Variants in EIF4G3 observed in about 807,000 individuals in gnomAD.
EIF4G3 encodes eIF-4-gamma 3.
Under a neutral mutation model 186.4 loss-of-function variants are expected in EIF4G3, and 34 were observed. That is an observed-to-expected ratio of 0.18 (90% CI 0.14 to 0.24). EIF4G3 has a LOEUF of 0.24. Ranked by LOEUF, EIF4G3 falls within the 10% of genes least tolerant of loss-of-function variation. The pLI, the probability that EIF4G3 is intolerant of heterozygous loss-of-function variation, is 1.00. For synonymous variants in EIF4G3, 673 were observed against 679.5 expected (o/e 0.99, Z 0.15); for missense variants, 1,536 against 1,948.5 (o/e 0.79, Z 3.99).
Position 20,973,099 on chromosome 1 carries a change from C to A in EIF4G3, c.494G>T (p.Gly165Val), listed in dbSNP as rs777691527. The A allele has an allele frequency of 6.2e-7, 1 of 1,606,794 alleles. No homozygotes were observed. The highest frequency in any genetic ancestry group is 8.5e-7 in the Non-Finnish European group (1 of 1,178,104). ...CGGCTGACTTGGGTAAAAAGGCGTT[C>A]CTAAAAAGTTGGAAAAAATTAAATA... The part of the protein sequence containing the change: ...PGPGDFPNAY[G>V]TPFYPSQPVY... Residue 165 changes from glycine to valine, a missense_variant and splice_region_variant, in exon 11 of 37, where the codon GGA becomes GTA. Physicochemically the swap from Gly to Val is moderately radical, Grantham distance 109 (BLOSUM62 -3). This residue lies in a region of EIF4G3 where 194 missense variants were observed against 212.8 expected (regional missense o/e 0.91). Coordinates refer to ENST00000602326, the MANE Select transcript of EIF4G3 (RefSeq NM_001391906.1).
chr1:20,839,219 C>T (rs928921374), intron 30 of EIF4G3, among the ~76,000 whole-genome samples: 2 of 151,772 alleles, frequency 1.3e-5, no homozygotes, highest in African/African-American at 4.8e-5. Context: ...CCTTGTGATC[C>T]ACCCGCCTCG....
chr1:21,030,484 C>T (rs1209006250), intron 4 of EIF4G3, among the ~76,000 whole-genome samples: 2 of 152,162 alleles, frequency 1.3e-5, no homozygotes, highest in Non-Finnish European at 2.9e-5. Context: ...GATTGTGAGG[C>T]CTCCCCAGCC....
intron 12 of EIF4G3, among the ~76,000 whole-genome samples, chr1:20,959,436 G>T (rs1002925876): frequency 6.6e-5 from 10 of 151,900 alleles, no homozygotes; most frequent in Non-Finnish European, 8.8e-5. Context: ...AAAAATTCTA[G>T]AAGATAACAT....
Position 20,893,524 on chromosome 1 carries a change from C to T in EIF4G3, c.2246G>A (p.Gly749Asp). The change falls in exon 18 of 37, where the codon GGC becomes GAC. Residue 749 changes from glycine to aspartate, a missense_variant. Coordinates refer to ENST00000602326, the MANE Select transcript of EIF4G3 (RefSeq NM_001391906.1). ...DFGRQTPGGR[G>D]VPLLNVGSRR... is the part of the protein sequence containing the mutation. ...TAGGGAACTTGCACTTACAGGTACG[C>T]CTCTTCCACCAGGTGTCTGCCTTCC... 1 of 1,598,760 alleles carries T rather than the reference C, an allele frequency of 6.3e-7. No homozygotes were observed. The highest frequency in any genetic ancestry group is 1.1e-5 in the South Asian group (1 of 89,754).
intron 4 of EIF4G3, among the ~76,000 whole-genome samples, chr1:21,022,749 A>G (rs2154571000): frequency 6.6e-6 from 1 of 152,340 alleles, no homozygotes; most frequent in East Asian, 1.9e-4. Flanking sequence ...CAATTAAGCT[A>G]GGTCTATTTG....
chr1:21,056,487 G>A (rs918874488), intron 3 of EIF4G3, among the ~76,000 whole-genome samples: 2 of 152,054 alleles, frequency 1.3e-5, no homozygotes, highest in Admixed American at 6.5e-5. Context: ...TCTTTTACTA[G>A]AAATTATACA....
intron 24 of EIF4G3, 85 bp downstream of exon 24, chr1:20,860,300 C>T: frequency 6.4e-7 from 1 of 1,558,774 alleles, no homozygotes. Context: ...TCTTTCTGAT[C>T]TCATTTTATA....
intron 4 of EIF4G3, among the ~76,000 whole-genome samples, chr1:21,033,082 C>T (rs1435360953): frequency 6.6e-6 from 1 of 152,172 alleles, no homozygotes; most frequent in Non-Finnish European, 1.5e-5. Flanking sequence ...ACACAGTAAC[C>T]TCACTATGTT....
chr1:20,904,990 C>A lies in EIF4G3; in HGVS notation c.1664-19G>T. ...ATTTGAGCTGAAATACAAGATCAGG[C>A]CCATTACTTGCCACTGCAAAGTCAT... On this transcript the variant is annotated intron_variant, in intron 14 of 36. Coordinates refer to ENST00000602326, the MANE Select transcript of EIF4G3 (RefSeq NM_001391906.1). 1 of 1,587,658 alleles carries A rather than the reference C, an allele frequency of 6.3e-7. No individual in the cohort carries two copies. Among genetic ancestry groups the A allele is most frequent in the Non-Finnish European group, 8.6e-7 (1 of 1,158,326 alleles).
intron 14 of EIF4G3, among the ~76,000 whole-genome samples, chr1:20,928,392 C>T (rs962221942): frequency 6.6e-6 from 1 of 152,032 alleles, no homozygotes; most frequent in East Asian, 1.9e-4. Flanking sequence ...GCTGGTGGCA[C>T]CACCATATCA....
chr1:21,014,088 G>C (rs532905032), intron 4 of EIF4G3, among the ~76,000 whole-genome samples: 1 of 152,292 alleles, frequency 6.6e-6, no homozygotes, highest in South Asian at 2.1e-4. Context: ...AGAATTGCTT[G>C]AACCTGGGAG....
chr1:20,990,619 A>G (rs1438163664), intron 7 of EIF4G3, among the ~76,000 whole-genome samples: 1 of 152,134 alleles, frequency 6.6e-6, no homozygotes, highest in African/African-American at 2.4e-5. Flanking sequence ...CGGTGAGCTG[A>G]GATCGCGCCA....
intron 12 of EIF4G3, among the ~76,000 whole-genome samples, chr1:20,952,160 T>G (rs1357269237): frequency 6.7e-6 from 1 of 150,226 alleles, no homozygotes; most frequent in Non-Finnish European, 1.5e-5. Flanking sequence ...AACACTTTTT[T>G]TTTTTTTTTT....
chr1:20,899,288 A>T (rs1441870520), intron 16 of EIF4G3, among the ~76,000 whole-genome samples: 1 of 152,214 alleles, frequency 6.6e-6, no homozygotes, highest in Non-Finnish European at 1.5e-5. Flanking sequence ...ATTGTTTCAG[A>T]ATTCAGTTCC....
intron 3 of EIF4G3, among the ~76,000 whole-genome samples, chr1:21,075,486 T>C (rs1442243768): frequency 7.1e-6 from 1 of 141,168 alleles, no homozygotes; most frequent in Non-Finnish European, 1.5e-5. Context: ...GGAGAATCAC[T>C]GGAACCCGGG....
chr1:20,925,507 C>T (rs557176646), intron 14 of EIF4G3, among the ~76,000 whole-genome samples: 2 of 152,158 alleles, frequency 1.3e-5, no homozygotes, highest in East Asian at 1.9e-4. Context: ...TCATTGAATG[C>T]TATCACATAA....
chr1:21,047,264 A>G (rs2093945441), intron 4 of EIF4G3, among the ~76,000 whole-genome samples: 1 of 152,208 alleles, frequency 6.6e-6, no homozygotes, highest in Non-Finnish European at 1.5e-5. Context: ...AAAGAAACAC[A>G]ATTGTCTTAA....
intron 4 of EIF4G3, among the ~76,000 whole-genome samples, chr1:21,033,555 G>C (rs2092924206): frequency 2.0e-5 from 3 of 152,082 alleles, no homozygotes; most frequent in South Asian, 2.1e-4. Context: ...TATTTCTATT[G>C]AACAAATGGC....
At chr1:20,870,875 G>T (rs1384273912) in intron 20 of EIF4G3, among the ~76,000 whole-genome samples, 1 of 152,170 alleles carries the variant, frequency 6.6e-6, no homozygotes, top group Non-Finnish European at 1.5e-5. Flanking sequence ...AGGTGGAGTT[G>T]ACCATGTCTT....
Sources: gnomAD v4.1 joint callset for allele counts (sites outside exome capture counted in the v4.1 genomes callset) on GRCh38, gnomAD v4.1.1 for gene constraint, gnomAD v4.1.1 regional missense constraint, MANE v1.5 for transcripts, NCBI Gene and HGNC (gene_info 2026-07-23, HGNC 2026-07-21) for gene names.